MYO15A: variants seen among roughly 807,000 people sequenced by gnomAD.
The protein encoded by MYO15A is myosin XVA.
MYO15A carries 308 observed loss-of-function variants against 394.6 expected under a neutral mutation model. That is an observed-to-expected ratio of 0.78 (90% confidence interval 0.71 to 0.86). The LOEUF (loss-of-function observed/expected upper bound fraction) is 0.86, where lower values mean the gene tolerates loss of function less well. Ranked by LOEUF, MYO15A falls within the 40% of genes least tolerant of loss-of-function variation. The pLI, the probability that MYO15A is intolerant of heterozygous loss-of-function variation, is 0.00. For synonymous variants in MYO15A, 1,957 were observed against 2,003.8 expected (o/e 0.98, Z 0.62); for missense variants, 4,606 against 4,799.1 (o/e 0.96, Z 1.19).
Position 18,150,779 on chromosome 17 carries a change from G to A in MYO15A, c.7395+14G>A. ...GCCGTGCTGCTGGTGAGTGAGGGAG[G>A]GACTGCTGGGGGGTGGAGAATGGAC... is the stretch of plus-strand genomic sequence containing the variant. On this transcript the variant is annotated intron_variant, in intron 37 of 65. Transcript: ENST00000647165. This position sits in a 1 kb window ranked among gnomAD's most constrained non-coding sequence, Gnocchi z 4.4. 3.2e-6 allele frequency: 5 copies of A among 1,580,552 alleles called. No individual in the cohort carries two copies. The highest frequency in any genetic ancestry group is 4.3e-6 in the Non-Finnish European group (5 of 1,162,346).
intron 57 of MYO15A, among the ~76,000 whole-genome samples, chr17:18,162,350 G>C (rs1246239212): frequency 1.3e-5 from 2 of 152,158 alleles, no homozygotes; most frequent in Non-Finnish European, 2.9e-5. Context: ...CTAGATAAAA[G>C]GTCCTTAGCC....
chr17:18,149,660 C>T, intron 35 of MYO15A, 80 bp downstream of exon 35: 1 of 1,443,534 alleles, frequency 6.9e-7, no homozygotes, highest in Non-Finnish European at 9.7e-7. Context: ...TACAGGGTGA[C>T]CTGAGAGCTT....
intron 21 of MYO15A, 21 bp from the exon 22 acceptor site, chr17:18,140,998 C>G: frequency 6.2e-7 from 1 of 1,613,644 alleles, no homozygotes; most frequent in Non-Finnish European, 8.5e-7. Flanking sequence ...GTGCAGACTC[C>G]CTCTCTGGGC....
At chr17:18,131,644 A>G in intron 10 of MYO15A, 113 bp downstream of exon 10, 1 of 1,212,078 alleles carries the variant, frequency 8.3e-7, no homozygotes, top group South Asian at 1.3e-5. Flanking sequence ...ATGAACGAAT[A>G]CATGCGTACA....
chr17:18,161,443 T>C lies in MYO15A; in HGVS notation c.9513T>C (p.Phe3171=), dbSNP rs1179283493. 1 of 1,613,642 alleles carries C rather than the reference T, an allele frequency of 6.2e-7. No individual in the cohort carries two copies. Among genetic ancestry groups the C allele is most frequent in the Non-Finnish European group, 8.5e-7 (1 of 1,180,028 alleles). The change falls in exon 57 of 66, where the codon TTT becomes TTC. Residue 3171 remains phenylalanine (F), a synonymous_variant. Transcript: ENST00000647165. ...QDVSRTPGLP[F]QGIAKACEQN... is the part of the protein sequence containing the mutation. ...TGAGCCGGACCCCAGGCCTGCCCTT[T>C]CAGGGTGAGAGGTCAATGAGTGGGA... is the stretch of plus-strand genomic sequence containing the variant.
In MYO15A at chr17:18,150,907, C is replaced by G; in HGVS notation, c.7467C>G (p.Pro2489=). The G allele has an allele frequency of 6.2e-7, 1 of 1,601,568 alleles. No homozygotes were observed. Among genetic ancestry groups the G allele is most frequent in the Non-Finnish European group, 8.5e-7 (1 of 1,174,438 alleles). Residue 2489 remains proline, a synonymous_variant, in exon 38 of 66, where the codon CCC becomes CCG. Coordinates refer to ENST00000647165, the MANE Select transcript of MYO15A (RefSeq NM_016239.4). This position sits in a 1 kb window ranked among gnomAD's most constrained non-coding sequence, Gnocchi z 4.4. ...TGAGTGCTGCCCTGAGATCCTTGCC[C>G]GCAGAGGTGAGCCTGGCCTGCCCAG... is the stretch of plus-strand genomic sequence containing the variant. The part of the protein sequence containing the change: ...QPLSAALRSL[P]AEKPPAPEAQ...
chr17:18,149,565 G>A lies in MYO15A; in HGVS notation c.7197G>A (p.Leu2399=), dbSNP rs981596520. The stretch of plus-strand genomic sequence containing the variant: ...TGGATAGCCTCTTTGACCCTGTGCT[G>A]TCCTACGGGGATGCGGTAGGGATGG... ...CYLDSLFDPV[L]SYGDADLEKP... The change falls in exon 35 of 66, where the codon CTG becomes CTA. Residue 2399 remains leucine, a synonymous_variant. Transcript: ENST00000647165. 5.0e-6 allele frequency: 8 copies of A among 1,614,044 alleles called. No homozygotes were observed. In the African/African-American group the frequency reaches 8.0e-5, roughly 16 times the overall value.
Position 18,141,675 on chromosome 17 carries a change from A to G in MYO15A, c.5554A>G (p.Lys1852Glu). The G allele has an allele frequency of 6.2e-7, 1 of 1,614,040 alleles. No homozygotes were observed. Among genetic ancestry groups the G allele is most frequent in the African/African-American group, 1.3e-5 (1 of 75,056 alleles). The change falls in exon 23 of 66, where the codon AAG (lysine) becomes GAG (glutamate). Residue 1852 changes from lysine to glutamate, a missense_variant. By Grantham distance (56) the Lys-to-Glu change is moderately conservative. Transcript: ENST00000647165. Reference sequence around the variant, plus strand: ...CAGGTACTGCTGTCTAGTGGCCCTCAAGCATGACCTGCCGGCTAATGGGGA... The same window carrying G: ...CAGGTACTGCTGTCTAGTGGCCCTCGAGCATGACCTGCCGGCTAATGGGGA... ...IDRYCCLVAL[K>E]HDLPANGDMC...
chr17:18,135,922 C>T (rs2046258849), intron 13 of MYO15A, 98 bp downstream of exon 13: 2 of 1,097,624 alleles, frequency 1.8e-6, no homozygotes, highest in African/African-American at 1.6e-5. Context: ...CTCCCTCTCT[C>T]CTGCTCTCTC....
chr17:18,125,627 C>A, intron 4 of MYO15A: 1 of 257,374 alleles, frequency 3.9e-6, no homozygotes, highest in South Asian at 4.7e-5. Context: ...TGGCGTGAAC[C>A]CCAGGAGGCA....
In MYO15A at chr17:18,119,016, C is replaced by T. The variant is rs767619427; in HGVS notation, c.216C>T (p.Arg72=). 1.2e-5 allele frequency: 19 copies of T among 1,612,604 alleles called. No individual in the cohort carries two copies. The highest frequency in any genetic ancestry group is 1.5e-5 in the Non-Finnish European group (18 of 1,179,920). ...ACACCGGCCCCCAGAAGACCAAGCG[C>T]AAGAGGAAGGCCCGCACCGTGCTCA... ...GLHTGPQKTK[R]KRKARTVLKS... The change falls in exon 2 of 66, where the codon CGC becomes CGT. Residue 72 remains arginine (R), a synonymous_variant. Transcript: ENST00000647165.
intron 29 of MYO15A, among the ~76,000 whole-genome samples, chr17:18,145,512 G>A (rs1163910238): frequency 6.6e-6 from 1 of 152,114 alleles, no homozygotes; most frequent in Admixed American, 6.5e-5. Flanking sequence ...CCAGGAGTTT[G>A]AGACCAGCCT....
Position 18,124,777 on chromosome 17 carries a change from C to T in MYO15A, c.3692+212C>T, listed in dbSNP as rs116773714. 1,332 of 605,280 alleles carry T rather than the reference C, an allele frequency of 2.2e-3. 20 individuals are homozygous for T. In the African/African-American group the frequency reaches 0.022, roughly 10 times the overall value. The allele number at this position is 605,280 out of a possible 1,614,324, so 37.5% of individuals were successfully genotyped here. A position where few individuals can be genotyped will look rare whatever the true frequency, so the allele number is the denominator to read the frequency against. On this transcript the variant is annotated intron_variant, in intron 3 of 65. Coordinates refer to ENST00000647165, the MANE Select transcript of MYO15A (RefSeq NM_016239.4). ...GCCCCACCACTCACCAGCTGGCAGA[C>T]GTTGCACAAATCGCTTTGTTTCTCT... is the stretch of plus-strand genomic sequence containing the variant.
At position 18,162,686 on chromosome 17, in the gene MYO15A, A is replaced by C; in HGVS notation, c.9612+7A>C. 1 of 1,613,636 alleles carries C rather than the reference A, an allele frequency of 6.2e-7. No individual in the cohort carries two copies. Among genetic ancestry groups the C allele is most frequent in the Non-Finnish European group, 8.5e-7 (1 of 1,179,710 alleles). On this transcript the variant is annotated splice_region_variant and intron_variant, in intron 58 of 65. Transcript: ENST00000647165. ...AGAGCTTCGGGCCATGTTGGTGAGC[A>C]TAGGGTGGGAGTGGGTTCAAAATGA...
At chr17:18,161,656 G>T (rs1046170383) in intron 57 of MYO15A, among the ~76,000 whole-genome samples, 1 of 152,224 alleles carries the variant, frequency 6.6e-6, no homozygotes. Flanking sequence ...GGGTGGTCAG[G>T]GATGACTCCT....
chr17:18,172,195 T>C lies in MYO15A; in HGVS notation c.10255T>C (p.Phe3419Leu). The C allele has an allele frequency of 6.2e-7, 1 of 1,614,222 alleles. No homozygotes were observed. Among genetic ancestry groups the C allele is most frequent in the Non-Finnish European group, 8.5e-7 (1 of 1,180,044 alleles). Residue 3419 changes from phenylalanine to leucine, a missense_variant, in exon 64 of 66, where the codon TTC (phenylalanine) becomes CTC (leucine). Physicochemically the swap from Phe to Leu is conservative, Grantham distance 22 (BLOSUM62 0). Transcript: ENST00000647165. ...CTTACCTATGTTCGGCTCCTCCTTCTTCTTCATCCAGAGCTGCAGCAACAT... is the reference window on the plus strand; with the variant it reads ...CTTACCTATGTTCGGCTCCTCCTTCCTCTTCATCCAGAGCTGCAGCAACAT... ...SALPMFGSSFFFIQSCSNIAV... is the reference protein window; with the variant it reads ...SALPMFGSSFLFIQSCSNIAV...
rs139473715 is a variant in MYO15A, at chr17:18,135,146, A to G, written c.4483-565A>G. ...CTCCCAAAGTGCTGGGATTACAGAC[A>G]TGAGCCACCGTGCCCAGCCTGTTTC... is the stretch of plus-strand genomic sequence containing the variant. On this transcript the variant is annotated intron_variant, in intron 12 of 65. Coordinates refer to ENST00000647165, the MANE Select transcript of MYO15A (RefSeq NM_016239.4). 7.7e-4 allele frequency among the ~76,000 whole-genome samples: 117 copies of G among 152,160 alleles called. 1 individual carries two copies. The East Asian group carries it at 0.021, about 28-fold the overall frequency.
Position 18,159,290 on chromosome 17 carries a change from TC to T in MYO15A, c.9175del (p.Leu3059SerfsTer18), listed in dbSNP as rs778896903. On this transcript the variant is annotated frameshift_variant, in exon 54 of 66. Coordinates refer to ENST00000647165, the MANE Select transcript of MYO15A (RefSeq NM_016239.4). LOFTEE classifies it high-confidence loss of function. ...LCFTKTPLQESLIELSDSSLS... is the reference protein window; with the variant it reads ...LCFTKTPLQEXLIELSDSSLS... ...TCCCCCACAGACTCCCCTCCAGGAATCCCTCATCGAACTCAGCGACAGCAGC... is the reference window on the plus strand; with the variant it reads ...TCCCCCACAGACTCCCCTCCAGGAATCCTCATCGAACTCAGCGACAGCAGC... 4 of 1,614,120 alleles carry T rather than the reference TC, an allele frequency of 2.5e-6. No homozygotes were observed. Among genetic ancestry groups the T allele is most frequent in the Non-Finnish European group, 3.4e-6 (4 of 1,179,996 alleles).
At position 18,135,713 on chromosome 17, in the gene MYO15A, G is replaced by A. The variant is rs768242574; in HGVS notation, c.4485G>A (p.Thr1495=). 1.3e-5 allele frequency: 21 copies of A among 1,613,758 alleles called. No homozygotes were observed. The highest frequency in any genetic ancestry group is 8.8e-5 in the South Asian group (8 of 91,072). Residue 1495 remains threonine (T), a splice_region_variant and synonymous_variant, in exon 13 of 66, where the codon ACG becomes ACA. Transcript: ENST00000647165. ...ATTCCTGTTGGTATTTTGCATAGAC[G>A]GATGCACAGGAGGTGGCCTCAGTGG... ...LGNVYFEKYE[T]DAQEVASVVS... is the part of the protein sequence containing the mutation.
Sources: gnomAD v4.1 joint callset for allele counts (sites outside exome capture counted in the v4.1 genomes callset) on GRCh38, gnomAD v4.1.1 for gene constraint, Gnocchi (gnomAD v3.1) non-coding constraint, MANE v1.5 for transcripts, NCBI Gene and HGNC (gene_info 2026-07-23, HGNC 2026-07-21) for gene names.